Variants in NALF1 observed in about 807,000 individuals in gnomAD.
The protein encoded by NALF1 is family with sequence similarity 155 member A.
NALF1 carries 3 observed loss-of-function variants against 48.4 expected under a neutral mutation model. The ratio of observed to expected loss-of-function variants is 0.06; its 90% CI spans 0.03 to 0.16. NALF1 has a LOEUF of 0.16. NALF1 is among the 10% of genes least tolerant of loss of function. The pLI, the probability that NALF1 is intolerant of heterozygous loss-of-function variation, is 1.00. For missense variants in NALF1, 526 were observed against 571.5 expected, an observed-to-expected ratio of 0.92 and a Z score of 0.81; for synonymous variants, 262 against 245.7, an observed-to-expected ratio of 1.07 and a Z score of -0.62.
At chr13:107,181,612 AC>A (rs1879063517) in intron 2 of NALF1, among the ~76,000 whole-genome samples, 2 of 78,060 alleles carry the variant, frequency 2.6e-5, no homozygotes, top group Admixed American at 2.3e-4. Flanking sequence ...TACTATATAG[AC>A]TTTTTTTTTT....
intron 1 of NALF1, among the ~76,000 whole-genome samples, chr13:107,696,220 C>G (rs781358309): frequency 8.5e-5 from 13 of 152,056 alleles, no homozygotes; most frequent in Admixed American, 2.0e-4. Flanking sequence ...TAATATAAAG[C>G]CTTTATTTGC....
intron 1 of NALF1, among the ~76,000 whole-genome samples, chr13:107,485,676 T>C (rs1345227145): frequency 6.6e-6 from 1 of 152,222 alleles, no homozygotes; most frequent in African/African-American, 2.4e-5. Flanking sequence ...TAACTATTCA[T>C]TGAAGGCAAA....
intron 1 of NALF1, among the ~76,000 whole-genome samples, chr13:107,693,980 A>T (rs987017874): frequency 6.6e-6 from 1 of 152,212 alleles, no homozygotes; most frequent in Non-Finnish European, 1.5e-5. Context: ...GTAACGTCAC[A>T]GTATTGGAGA....
chr13:107,737,568 C>A (rs897809886), intron 1 of NALF1, among the ~76,000 whole-genome samples: 8 of 151,992 alleles, frequency 5.3e-5, no homozygotes, highest in African/African-American at 1.9e-4. Context: ...ATCATTTTTT[C>A]TTAATCCAAA....
At chr13:107,758,382 A>C (rs1877174497) in intron 1 of NALF1, among the ~76,000 whole-genome samples, 1 of 152,200 alleles carries the variant, frequency 6.6e-6, no homozygotes, top group Admixed American at 6.5e-5. Context: ...TATATTAATA[A>C]AACCACATGC....
At chr13:107,548,905 T>TA (rs1415825117) in intron 1 of NALF1, among the ~76,000 whole-genome samples, 1 of 152,138 alleles carries the variant, frequency 6.6e-6, no homozygotes, top group Non-Finnish European at 1.5e-5. Flanking sequence ...AATCCAAATA[T>TA]AAGTATTATG....
chr13:107,760,949 A>G lies in NALF1; in HGVS notation c.915+104733T>C, dbSNP rs112682083. Among the ~76,000 whole-genome samples, 6 of 152,366 alleles carry G rather than the reference A, an allele frequency of 3.9e-5. 1 individual carries two copies. The highest frequency in any genetic ancestry group is 1.4e-4 in the African/African-American group (6 of 41,588). On this transcript the variant is annotated intron_variant, in intron 1 of 2. Transcript: ENST00000375915. The stretch of plus-strand genomic sequence containing the variant: ...ACTGAAGATCTACTTCATTCAAAGC[A>G]TGAAGTACCACAGTAGCAACAGATG...
At position 107,598,473 on chromosome 13, in the gene NALF1, C is replaced by A. The variant is rs139647857; in HGVS notation, c.915+267209G>T. Among the ~76,000 whole-genome samples the A allele has an allele frequency of 2.7e-3, 408 of 152,292 alleles. 3 individuals carry two copies. Among genetic ancestry groups the A allele is most frequent in the African/African-American group, 9.4e-3 (391 of 41,560 alleles). Reference sequence around the variant, plus strand: ...CTGGATTTTCTTGCTTGAACACCAACCTCATAGACCCAGTTGCTAAGGAAA... The same window carrying A: ...CTGGATTTTCTTGCTTGAACACCAAACTCATAGACCCAGTTGCTAAGGAAA... On this transcript the variant is annotated intron_variant, in intron 1 of 2. Transcript: ENST00000375915.
chr13:107,592,865 T>C (rs1878636122), intron 1 of NALF1, among the ~76,000 whole-genome samples: 1 of 151,954 alleles, frequency 6.6e-6, no homozygotes, highest in Non-Finnish European at 1.5e-5. Flanking sequence ...GCAAATCATC[T>C]GTTCTTTCTG....
rs1305918563 is a variant in NALF1, at chr13:107,362,588, C to T, written c.916-151833G>A. On this transcript the variant is annotated intron_variant, in intron 1 of 2. Transcript: ENST00000375915. This position sits in a 1 kb window ranked among gnomAD's most constrained non-coding sequence, Gnocchi z 4.6. Reference sequence around the variant, plus strand: ...ACACCAGTCACACTGGATTAGCGCCCACCCTAATGACCTCATCTTAATCAT... The same window carrying T: ...ACACCAGTCACACTGGATTAGCGCCTACCCTAATGACCTCATCTTAATCAT... 3.3e-5 allele frequency among the ~76,000 whole-genome samples: 5 copies of T among 152,132 alleles called. No homozygotes were observed. The highest frequency in any genetic ancestry group is 5.9e-5 in the Non-Finnish European group (4 of 68,028).
At chr13:107,768,437 C>A (rs1594253870) in intron 1 of NALF1, among the ~76,000 whole-genome samples, 1 of 151,970 alleles carries the variant, frequency 6.6e-6, no homozygotes, top group Admixed American at 6.5e-5. Context: ...TACGATGGGA[C>A]ACAATAAACT....
chr13:107,862,768 C>T (rs184575219), intron 1 of NALF1, among the ~76,000 whole-genome samples: 158 of 151,678 alleles, frequency 1.0e-3, no homozygotes, highest in African/African-American at 3.6e-3. Context: ...GGTCAAAAAG[C>T]CTTTTAAACA....
intron 1 of NALF1, among the ~76,000 whole-genome samples, chr13:107,519,705 T>A (rs971918916): frequency 9.8e-5 from 15 of 152,306 alleles, no homozygotes; most frequent in Non-Finnish European, 1.9e-4. Flanking sequence ...TGAAATTAAA[T>A]CTACCTGACC....
At chr13:107,640,457 G>T (rs544647905) in intron 1 of NALF1, among the ~76,000 whole-genome samples, 1 of 152,200 alleles carries the variant, frequency 6.6e-6, no homozygotes, top group South Asian at 2.1e-4. Flanking sequence ...TTAAGATACA[G>T]TAAAATGGCA....
At chr13:107,679,926 A>T (rs1318348877) in intron 1 of NALF1, among the ~76,000 whole-genome samples, 31 of 152,190 alleles carry the variant, frequency 2.0e-4, no homozygotes, top group Non-Finnish European at 5.9e-5. Flanking sequence ...AGAAGCAAAA[A>T]CACGTTCACA....
At chr13:107,402,858 T>C (rs1883832508) in intron 1 of NALF1, among the ~76,000 whole-genome samples, 1 of 152,128 alleles carries the variant, frequency 6.6e-6, no homozygotes, top group Non-Finnish European at 1.5e-5. Flanking sequence ...ACTATTAAAG[T>C]TCTGAAGAAA....
Position 107,640,165 on chromosome 13 carries a change from C to CA in NALF1, c.915+225516dup, listed in dbSNP as rs200910351. Reference sequence around the variant, plus strand: ...AATTATAATTAAAAGAAACTTCTGCCAAAAAAAAGAAGAAAACAACTTTAC... The same window carrying CA: ...AATTATAATTAAAAGAAACTTCTGCCAAAAAAAAAGAAGAAAACAACTTTAC... On this transcript the variant is annotated intron_variant, in intron 1 of 2. Transcript: ENST00000375915. Among the ~76,000 whole-genome samples, 493 of 150,982 alleles carry CA rather than the reference C, an allele frequency of 3.3e-3. 3 individuals are homozygous for CA. Among genetic ancestry groups the CA allele is most frequent in the Middle Eastern group, 6.8e-3 (2 of 294 alleles).
At chr13:107,251,263 T>A (rs11840229) in intron 1 of NALF1, among the ~76,000 whole-genome samples, 8,729 of 152,284 alleles carry the variant, frequency 0.057, 608 homozygotes, top group African/African-American at 0.17. Flanking sequence ...CAGACGCCTC[T>A]ATTTCCCCCT....
intron 2 of NALF1, among the ~76,000 whole-genome samples, chr13:107,205,439 GT>G (rs1879619683): frequency 6.6e-6 from 1 of 151,718 alleles, no homozygotes. Flanking sequence ...ATTCCCTTCC[GT>G]TGCCTGCAGG....
Sources: gnomAD v4.1 joint callset for allele counts (sites outside exome capture counted in the v4.1 genomes callset) on GRCh38, gnomAD v4.1.1 for gene constraint, Gnocchi (gnomAD v3.1) non-coding constraint, MANE v1.5 for transcripts, NCBI Gene and HGNC (gene_info 2026-07-23, HGNC 2026-07-21) for gene names.